The following PEX13 variants were observed in gnomAD, a reference collection of about 807,000 sequenced individuals.
PEX13 encodes the protein peroxisome biogenesis factor 13.
A neutral mutation model predicts 34.5 loss-of-function variants in PEX13; 28 were observed. That is an observed-to-expected ratio of 0.81 (90% CI 0.60 to 1.11). The LOEUF is 1.11. Ranked by LOEUF, PEX13 falls within the 50% of genes most tolerant of loss-of-function variation. PEX13 has a pLI of 0.00. For synonymous variants in PEX13, 177 were observed against 175.1 expected, an observed-to-expected ratio of 1.01 and a Z score of -0.09; for missense variants, 550 against 491.0, an observed-to-expected ratio of 1.12 and a Z score of -1.13.
chr2:61,031,945 A>G lies in PEX13; in HGVS notation c.619A>G (p.Asn207Asp). 1 of 1,614,180 alleles carries G rather than the reference A, an allele frequency of 6.2e-7. No homozygotes were observed. The highest frequency in any genetic ancestry group is 1.7e-5 in the Admixed American group (1 of 60,016). Residue 207 changes from asparagine (N) to aspartate (D), a missense_variant, in exon 2 of 4, where the codon AAT (asparagine) becomes GAT (aspartate). Transcript: ENST00000295030. The stretch of plus-strand genomic sequence containing the variant: ...GTTAGGTTTAAGAAGAGGCTCTGAG[A>G]ATGAAGACCTCTGGGCAGAGAGTGA... ...RMLGLRRGSE[N>D]EDLWAESEGT...
At chr2:61,035,983 TA>T (rs1200600005) in intron 2 of PEX13, among the ~76,000 whole-genome samples, 1,870 of 98,280 alleles carry the variant, frequency 0.019, 29 homozygotes, top group African/African-American at 0.056. Context: ...AACTCCATCT[TA>T]AAAAAAAAAA....
At chr2:61,021,793 C>T (rs781746017) in intron 1 of PEX13, among the ~76,000 whole-genome samples, 5 of 152,172 alleles carry the variant, frequency 3.3e-5, no homozygotes, top group African/African-American at 1.2e-4. Flanking sequence ...CTCAAACAGG[C>T]AGGTGTCCCT....
chr2:61,032,089 T>C lies in PEX13; in HGVS notation c.763T>C (p.Ser255Pro). ...TCCTTACCTCATTTGGAAACTATTG[T>C]CTACTCACAGTGATGAAGTAACAGG... ...GGPYLIWKLL[S>P]THSDEVTDSI... The change falls in exon 2 of 4, where the codon TCT becomes CCT. Residue 255 changes from serine to proline, a missense_variant. Transcript: ENST00000295030. 1 of 1,613,412 alleles carries C rather than the reference T, an allele frequency of 6.2e-7. No individual in the cohort carries two copies. Among genetic ancestry groups the C allele is most frequent in the South Asian group, 1.1e-5 (1 of 91,032 alleles).
chr2:61,037,278 C>T (rs1401327165), intron 2 of PEX13, among the ~76,000 whole-genome samples: 11 of 152,172 alleles, frequency 7.2e-5, no homozygotes, highest in South Asian at 6.2e-4. Context: ...ACCTAATAGA[C>T]GTCTACAGAA....
intron 1 of PEX13, among the ~76,000 whole-genome samples, chr2:61,025,173 A>T (rs1046903079): frequency 6.6e-6 from 1 of 151,286 alleles, no homozygotes; most frequent in Non-Finnish European, 1.5e-5. Context: ...GGTTCAAGCA[A>T]TTCTCCTGCC....
chr2:61,022,890 C>T (rs1680287885), intron 1 of PEX13, among the ~76,000 whole-genome samples: 2 of 152,094 alleles, frequency 1.3e-5, no homozygotes, highest in Non-Finnish European at 2.9e-5. Context: ...GAACTCTATT[C>T]TAATATTGTG....
chr2:61,020,400 A>T (rs1440788668), intron 1 of PEX13, among the ~76,000 whole-genome samples: 1 of 150,016 alleles, frequency 6.7e-6, no homozygotes, highest in Non-Finnish European at 1.5e-5. Context: ...GATTTTTTTT[A>T]ATGTAAATAT....
At chr2:61,023,656 ATTG>A (rs1573548722) in intron 1 of PEX13, among the ~76,000 whole-genome samples, 1 of 150,694 alleles carries the variant, frequency 6.6e-6, no homozygotes, top group East Asian at 1.9e-4. Flanking sequence ...TAAGACATTT[ATTG>A]TTTAGTTAGC....
intron 2 of PEX13, among the ~76,000 whole-genome samples, chr2:61,043,023 C>G (rs1680649708): frequency 6.6e-6 from 1 of 152,130 alleles, no homozygotes. Context: ...TAGTTTGGCC[C>G]TCTTACTCTC....
chr2:61,023,031 G>A (rs1172329045), intron 1 of PEX13, among the ~76,000 whole-genome samples: 1 of 149,834 alleles, frequency 6.7e-6, no homozygotes, highest in African/African-American at 2.5e-5. Context: ...TTCAGACAGT[G>A]TCTCACTCTG....
chr2:61,020,629 C>G (rs1204698650), intron 1 of PEX13, among the ~76,000 whole-genome samples: 1 of 152,020 alleles, frequency 6.6e-6, no homozygotes, highest in Non-Finnish European at 1.5e-5. Context: ...CTACCTTGCT[C>G]AGATTTATTT....
intron 1 of PEX13, among the ~76,000 whole-genome samples, chr2:61,028,095 C>G (rs1336763437): frequency 6.6e-6 from 1 of 152,170 alleles, no homozygotes; most frequent in Non-Finnish European, 1.5e-5. Context: ...TGGTACAAAA[C>G]TGTCATCCCA....
At chr2:61,036,041 G>C (rs546869461) in intron 2 of PEX13, among the ~76,000 whole-genome samples, 6 of 150,162 alleles carry the variant, frequency 4.0e-5, no homozygotes, top group African/African-American at 1.5e-4. Context: ...AGTGATTGAA[G>C]ATCAAATTAA....
In PEX13 at chr2:61,048,864, A is replaced by G. The variant is rs1191797498; in HGVS notation, c.*94A>G. ...AATGAATGTACAATCCAATGAAAAC[A>G]TTTGTTATTGGCTATTTCAGGTGTT... On this transcript the variant is annotated 3_prime_UTR_variant, in exon 4 of 4. Transcript: ENST00000295030. The G allele has an allele frequency of 1.9e-6, 2 of 1,060,034 alleles. No individual in the cohort carries two copies. The highest frequency in any genetic ancestry group is 2.9e-6 in the Non-Finnish European group (2 of 700,336). 65.7% of individuals were successfully genotyped at this position (1,060,034 alleles called of 1,614,324 possible). A position where few individuals can be genotyped will look rare whatever the true frequency, so the allele number is the denominator to read the frequency against.
At chr2:61,029,139 CAA>C (rs539310122) in intron 1 of PEX13, among the ~76,000 whole-genome samples, 9 of 130,426 alleles carry the variant, frequency 6.9e-5, no homozygotes, top group Admixed American at 2.4e-4. Flanking sequence ...ACCCTGTCTC[CAA>C]AAAAAAAAAA....
intron 2 of PEX13, among the ~76,000 whole-genome samples, chr2:61,043,281 G>C (rs1360626127): frequency 1.3e-5 from 2 of 149,448 alleles, no homozygotes; most frequent in South Asian, 4.2e-4. Context: ...CGGATCATGA[G>C]GTCAGGAGAT....
At chr2:61,023,414 C>CACA (rs1680298326) in intron 1 of PEX13, among the ~76,000 whole-genome samples, 1 of 151,450 alleles carries the variant, frequency 6.6e-6, no homozygotes, top group Admixed American at 6.6e-5. Flanking sequence ...CACACACACA[C>CACA]ACACACACAC....
Position 61,031,489 on chromosome 2 carries a change from A to T in PEX13, c.163A>T (p.Ile55Phe). The T allele has an allele frequency of 6.2e-7, 1 of 1,614,180 alleles. No homozygotes were observed. The highest frequency in any genetic ancestry group is 1.1e-5 in the South Asian group (1 of 91,088). ...AGCACTTACCAGAGTGCCCCCACCT[A>T]TTCTTCCAAGGCCATCACAGCAGAC... ...QPALTRVPPPILPRPSQQTGS... is the reference protein window; with the variant it reads ...QPALTRVPPPFLPRPSQQTGS... Residue 55 changes from isoleucine (I) to phenylalanine (F), a missense_variant, in exon 2 of 4, where the codon ATT (isoleucine) becomes TTT (phenylalanine). Coordinates refer to ENST00000295030, the MANE Select transcript of PEX13 (RefSeq NM_002618.4).
At position 61,048,482 on chromosome 2, in the gene PEX13, C is replaced by A; in HGVS notation, c.924C>A (p.Pro308=). The stretch of plus-strand genomic sequence containing the variant: ...TTTTTTTTCCATCAGAACAACAACC[C>A]AAAGTGCGTGGTTGGCTTCTGGCTA... ...MLNLALKEQQ[P]KVRGWLLASL... Residue 308 remains proline, a synonymous_variant, in exon 4 of 4, where the codon CCC becomes CCA. Transcript: ENST00000295030. 1 of 1,613,716 alleles carries A rather than the reference C, an allele frequency of 6.2e-7. No homozygotes were observed. Among genetic ancestry groups the A allele is most frequent in the Non-Finnish European group, 8.5e-7 (1 of 1,179,770 alleles).
Sources: gnomAD v4.1 joint callset for allele counts (sites outside exome capture counted in the v4.1 genomes callset) on GRCh38, gnomAD v4.1.1 for gene constraint, MANE v1.5 for transcripts, NCBI Gene and HGNC (gene_info 2026-07-23, HGNC 2026-07-21) for gene names.